TRIQK: variants seen among roughly 807,000 people sequenced by gnomAD.
The protein encoded by TRIQK is triple QxxK/R motif containing, also known as triple QxxK/R motif-containing protein.
Under a neutral mutation model 10.8 loss-of-function variants are expected in TRIQK, and 10 were observed. The observed-to-expected ratio is 0.92, with a 90% CI of 0.57 to 1.57. The LOEUF (loss-of-function observed/expected upper bound fraction) is 1.57. TRIQK is among the 40% of genes most tolerant of loss of function. The pLI is 0.00. For missense variants in TRIQK, 107 were observed against 97.7 expected, an observed-to-expected ratio of 1.09 and a Z score of -0.40; for synonymous variants, 33 against 33.7, an observed-to-expected ratio of 0.98 and a Z score of 0.07.
At chr8:93,016,572 T>C (rs1020700422) in intron 1 of TRIQK, among the ~76,000 whole-genome samples, 9 of 152,256 alleles carry the variant, frequency 5.9e-5, no homozygotes, top group Admixed American at 4.6e-4. Flanking sequence ...AGAACTCAAA[T>C]GTATAAAACC....
chr8:92,930,390 CAAAAAAAAAAAA>C (rs66513185), intron 2 of TRIQK, among the ~76,000 whole-genome samples: 10 of 47,144 alleles, frequency 2.1e-4, no homozygotes, highest in East Asian at 7.1e-4. Flanking sequence ...ACTAGGTCTC[CAAAAAAAAAAAA>C]AAAAAAAAAA....
chr8:92,921,113 G>C (rs949428590), intron 2 of TRIQK, among the ~76,000 whole-genome samples: 2 of 151,516 alleles, frequency 1.3e-5, no homozygotes, highest in Non-Finnish European at 3.0e-5. Context: ...ATTATTGCAG[G>C]TATAAAGCAG....
intron 2 of TRIQK, chr8:92,954,056 A>G (rs536466269): frequency 6.6e-6 from 1 of 152,080 alleles, no homozygotes; most frequent in East Asian, 1.9e-4. Flanking sequence ...AAATATTGCA[A>G]TATACCAAAG....
chr8:93,002,855 G>C (rs1367132401), intron 1 of TRIQK, among the ~76,000 whole-genome samples: 1 of 151,838 alleles, frequency 6.6e-6, no homozygotes, highest in African/African-American at 2.4e-5. Context: ...GGAAGGCAGA[G>C]GTTGCAGTGA....
chr8:92,886,968 T>C (rs1816517164), intron 4 of TRIQK: 3 of 280,028 alleles, frequency 1.1e-5, no homozygotes, highest in Non-Finnish European at 2.0e-5. Context: ...TTATTATTTC[T>C]AGCTAATTTG....
chr8:92,930,572 T>C, intron 2 of TRIQK, among the ~76,000 whole-genome samples: 1 of 152,042 alleles, frequency 6.6e-6, no homozygotes, highest in East Asian at 1.9e-4. Context: ...CTTGTACCAC[T>C]GCACGCTAAG....
At position 92,971,229 on chromosome 8, in the gene TRIQK, A is replaced by G. The variant is rs180988098; in HGVS notation, c.-180-16665T>C. 2.6e-4 allele frequency among the ~76,000 whole-genome samples: 40 copies of G among 152,038 alleles called. No homozygotes were observed. In the East Asian group the frequency reaches 7.6e-3, roughly 29 times the overall value. On this transcript the variant is annotated intron_variant, in intron 1 of 4. Coordinates refer to the TRIQK transcript ENST00000520686. ...AGTATAGTTTAAAGTTACACACACA[A>G]GGGAACAAGACAAGGATGCCCTCTC... is the stretch of plus-strand genomic sequence containing the variant.
chr8:92,902,767 CTA>C (rs1391030908), intron 3 of TRIQK, among the ~76,000 whole-genome samples: 1 of 151,924 alleles, frequency 6.6e-6, no homozygotes, highest in African/African-American at 2.4e-5. Context: ...TTTAATAAAA[CTA>C]TTGATATGTT....
intron 1 of TRIQK, among the ~76,000 whole-genome samples, chr8:92,981,491 T>C (rs1447358724): frequency 1.3e-5 from 2 of 151,940 alleles, no homozygotes; most frequent in African/African-American, 2.4e-5. Flanking sequence ...ACTATGATTG[T>C]GGATTTATCC....
chr8:92,948,910 A>AACTGTAACCTTTCCATGTGTAAACAG (rs1811686256), intron 2 of TRIQK, among the ~76,000 whole-genome samples: 2 of 152,198 alleles, frequency 1.3e-5, no homozygotes, highest in Non-Finnish European at 2.9e-5. Flanking sequence ...GTGCACAGTA[A>AACTGTAACCTTTCCATGTGTAAACAG]ACTGTAACCT....
intron 1 of TRIQK, among the ~76,000 whole-genome samples, chr8:92,961,862 T>C (rs572056592): frequency 6.6e-6 from 1 of 152,352 alleles, no homozygotes; most frequent in Non-Finnish European, 1.5e-5. Context: ...TTTATGCTGT[T>C]GTCATTCTCC....
At chr8:92,946,116 C>G (rs915477410) in intron 2 of TRIQK, among the ~76,000 whole-genome samples, 1 of 151,978 alleles carries the variant, frequency 6.6e-6, no homozygotes, top group Non-Finnish European at 1.5e-5. Context: ...AATTATTTCT[C>G]AAGTGTGATA....
intron 1 of TRIQK, among the ~76,000 whole-genome samples, chr8:93,002,547 T>C (rs567076426): frequency 2.6e-5 from 4 of 152,086 alleles, no homozygotes; most frequent in Admixed American, 1.3e-4. Context: ...TCTACCAAGA[T>C]AGAATTATGA....
intron 1 of TRIQK, chr8:92,973,155 T>C (rs1812893039): frequency 6.6e-6 from 1 of 152,196 alleles, no homozygotes; most frequent in Non-Finnish European, 1.5e-5. Flanking sequence ...AATGTGTGCA[T>C]ATCAAGAAAT....
At chr8:92,956,587 A>G (rs978975595) in intron 1 of TRIQK, among the ~76,000 whole-genome samples, 3 of 151,802 alleles carry the variant, frequency 2.0e-5, no homozygotes, top group South Asian at 2.1e-4. Context: ...TAAAAATACA[A>G]CTCTACAGTC....
chr8:92,931,432 A>G (rs1810719980), intron 2 of TRIQK, among the ~76,000 whole-genome samples: 1 of 152,148 alleles, frequency 6.6e-6, no homozygotes, highest in South Asian at 2.1e-4. Context: ...GAGGGGGCTT[A>G]CATAAGTCAC....
chr8:93,016,847 G>A (rs1206736814), intron 1 of TRIQK, among the ~76,000 whole-genome samples: 1 of 152,074 alleles, frequency 6.6e-6, no homozygotes, highest in African/African-American at 2.4e-5. Context: ...AAGCAAAGAT[G>A]TAAGGCTAGC....
At chr8:92,921,891 T>C (rs965223930) in intron 2 of TRIQK, among the ~76,000 whole-genome samples, 8 of 151,802 alleles carry the variant, frequency 5.3e-5, no homozygotes, top group African/African-American at 1.4e-4. Context: ...TCTATATATA[T>C]TGTCACACAG....
chr8:92,887,573 GA>G (rs907480766), intron 4 of TRIQK, among the ~76,000 whole-genome samples: 11 of 148,026 alleles, frequency 7.4e-5, no homozygotes, highest in South Asian at 2.1e-4. Context: ...AATCAAAAAA[GA>G]AAAAAAAAGC....
Sources: allele counts gnomAD v4.1 joint callset (sites outside exome capture counted in the v4.1 genomes callset), GRCh38; gene constraint gnomAD v4.1.1; transcripts MANE v1.5; gene names NCBI Gene and HGNC (gene_info 2026-07-23, HGNC 2026-07-21).